Variants in SLC22A14 observed in about 807,000 individuals in gnomAD.
SLC22A14 encodes solute carrier family 22 member 14.
A neutral mutation model predicts 53.9 loss-of-function variants in SLC22A14; 50 were observed. The observed-to-expected ratio is 0.93, with a 90% CI of 0.74 to 1.17. The LOEUF is 1.17. Among genes scored for constraint, SLC22A14 ranks in the 50% most tolerant of loss-of-function variants. The pLI, the probability that SLC22A14 is intolerant of heterozygous loss-of-function variation, is 0.00. For synonymous variants in SLC22A14, 312 were observed against 303.0 expected (o/e 1.03, Z -0.31); for missense variants, 671 against 734.7 (o/e 0.91, Z 1.00).
intron 8 of SLC22A14, among the ~76,000 whole-genome samples, chr3:38,314,831 T>A (rs1327014062): frequency 6.6e-6 from 1 of 152,080 alleles, no homozygotes; most frequent in Non-Finnish European, 1.5e-5. Flanking sequence ...CTACACTGAG[T>A]CAAGCAGCAA....
chr3:38,308,923 C>T (rs200424985), intron 4 of SLC22A14, 31 bp from the exon 5 acceptor site: 15 of 1,607,444 alleles, frequency 9.3e-6, no homozygotes, highest in Non-Finnish European at 1.3e-5. Context: ...CCTGACGTAA[C>T]CATGGTTTTG....
In SLC22A14 at chr3:38,307,608, GA is replaced by G; in HGVS notation, c.664del (p.Ile222SerfsTer10). 6.2e-7 allele frequency: 1 copy of G among 1,614,202 alleles called. No individual in the cohort carries two copies. Among genetic ancestry groups the G allele is most frequent in the Non-Finnish European group, 8.5e-7 (1 of 1,180,032 alleles). On this transcript the variant is annotated frameshift_variant, in exon 4 of 11. Transcript: ENST00000448498. LOFTEE classifies it high-confidence loss of function. This position sits in a 1 kb window ranked among gnomAD's most constrained non-coding sequence, Gnocchi z 4.4. The stretch of plus-strand genomic sequence containing the variant: ...CCATCCTGCTGTCACTGCTGGGGCT[GA>G]TCATCTTCGGCTTTGGGACAGCCTT... ...PAILLSLLGLIIFGFGTAFMN... is the reference protein window; with the variant it reads ...PAILLSLLGLXIFGFGTAFMN...
intron 1 of SLC22A14, among the ~76,000 whole-genome samples, chr3:38,287,704 T>A (rs1703822834): frequency 6.6e-6 from 1 of 152,212 alleles, no homozygotes; most frequent in Non-Finnish European, 1.5e-5. Context: ...CCTTTGTCCT[T>A]CAATATACAT....
intron 1 of SLC22A14, among the ~76,000 whole-genome samples, chr3:38,284,696 A>G (rs1418532159): frequency 6.6e-6 from 1 of 152,148 alleles, no homozygotes; most frequent in Non-Finnish European, 1.5e-5. Context: ...AATACATGGA[A>G]GAATGTCCCC....
At chr3:38,315,436 C>G (rs1704592826) in intron 8 of SLC22A14, 122 bp from the exon 9 acceptor site, 3 of 1,044,186 alleles carry the variant, frequency 2.9e-6, no homozygotes, top group South Asian at 1.5e-5. Context: ...CAACCTGCCA[C>G]TCCTCTGACA....
chr3:38,312,753 CAG>C (rs1704502424), intron 5 of SLC22A14, among the ~76,000 whole-genome samples: 1 of 152,148 alleles, frequency 6.6e-6, no homozygotes, highest in Admixed American at 6.5e-5. Flanking sequence ...AGACTGGAGA[CAG>C]AGGCAGCCGG....
chr3:38,305,656 AAGGTCCCTAGAGACC>A, intron 1 of SLC22A14: 1 of 185,982 alleles, frequency 5.4e-6, no homozygotes, highest in Non-Finnish European at 1.1e-5. Context: ...TTTTGAAGAA[AAGGTCCCTAGAGACC>A]TCTCCTACCT....
intron 1 of SLC22A14, among the ~76,000 whole-genome samples, chr3:38,296,820 A>G (rs938522612): frequency 2.6e-5 from 4 of 152,214 alleles, no homozygotes; most frequent in Non-Finnish European, 5.9e-5. Context: ...GAACAATGGC[A>G]AGCCTTTAGC....
chr3:38,289,057 A>G (rs779481575), intron 1 of SLC22A14, among the ~76,000 whole-genome samples: 14 of 151,842 alleles, frequency 9.2e-5, no homozygotes, highest in South Asian at 2.1e-4. Context: ...GCACACACCT[A>G]TAGACATAGC....
chr3:38,291,692 GT>G (rs1180990439), intron 1 of SLC22A14, among the ~76,000 whole-genome samples: 1 of 152,086 alleles, frequency 6.6e-6, no homozygotes, highest in Non-Finnish European at 1.5e-5. Context: ...AACTATTCCT[GT>G]TTTTTTCTGT....
Position 38,294,939 on chromosome 3 carries a change from C to A in SLC22A14, c.1-11088C>A, listed in dbSNP as rs1249708358. Among the ~76,000 whole-genome samples the A allele has an allele frequency of 2.6e-5, 4 of 152,148 alleles. No homozygotes were observed. The East Asian group carries it at 5.8e-4, about 22-fold the overall frequency. On this transcript the variant is annotated intron_variant, in intron 1 of 10. Transcript: ENST00000448498. ...TTCATTTCAGAGAGGGTGTAGGTAA[C>A]TTTTTGAGTCAGGATTGAGATAAAG... is the stretch of plus-strand genomic sequence containing the variant.
At chr3:38,309,914 G>A (rs1045291424) in intron 5 of SLC22A14, among the ~76,000 whole-genome samples, 5 of 152,144 alleles carry the variant, frequency 3.3e-5, no homozygotes, top group South Asian at 2.1e-4. Context: ...CTATTCCCAT[G>A]TCATGGGAGG....
chr3:38,293,446 G>T (rs1413011100), intron 1 of SLC22A14, among the ~76,000 whole-genome samples: 1 of 152,030 alleles, frequency 6.6e-6, no homozygotes, highest in South Asian at 2.1e-4. Context: ...AGTTCAATAG[G>T]GTTTTTAAGT....
chr3:38,303,096 A>G (rs1012014065), intron 1 of SLC22A14, among the ~76,000 whole-genome samples: 1 of 152,032 alleles, frequency 6.6e-6, no homozygotes, highest in African/African-American at 2.4e-5. Flanking sequence ...TATATAAAAG[A>G]CTTATTTGTA....
chr3:38,313,967 C>T (rs778236388), intron 8 of SLC22A14, 26 bp downstream of exon 8: 1 of 1,593,136 alleles, frequency 6.3e-7, no homozygotes, highest in South Asian at 1.1e-5. Context: ...CCCCTGTGGC[C>T]TGCCCACAGC....
At chr3:38,308,860 C>T (rs1315934614) in intron 4 of SLC22A14, 94 bp from the exon 5 acceptor site, 3 of 1,139,252 alleles carry the variant, frequency 2.6e-6, no homozygotes, top group Middle Eastern at 2.5e-4. Flanking sequence ...CTCAACTGTC[C>T]AGAGCAGGTG....
chr3:38,304,077 C>G (rs1258803126), intron 1 of SLC22A14, among the ~76,000 whole-genome samples: 2 of 151,446 alleles, frequency 1.3e-5, no homozygotes, highest in East Asian at 3.9e-4. Flanking sequence ...TGTAGTCCCA[C>G]CTACTTGGGA....
chr3:38,280,535 T>A (rs961958778), upstream of SLC22A14, among the ~76,000 whole-genome samples: 4 of 152,206 alleles, frequency 2.6e-5, no homozygotes, highest in African/African-American at 9.7e-5. Flanking sequence ...GGCAACAGAA[T>A]GTTTCTTTAG....
Position 38,302,234 on chromosome 3 carries a change from C to CA in SLC22A14, c.1-3782dup, listed in dbSNP as rs10700097. Reference sequence around the variant, plus strand: ...GGGTGACAAGAGTGAGACTCTGTCTCAAAAAAAAAAAGTATATATATATAC... The same window carrying CA: ...GGGTGACAAGAGTGAGACTCTGTCTCAAAAAAAAAAAAGTATATATATATAC... On this transcript the variant is annotated intron_variant, in intron 1 of 10. Transcript: ENST00000448498. 3.1e-3 allele frequency among the ~76,000 whole-genome samples: 318 copies of CA among 103,586 alleles called. 1 individual carries two copies. Among genetic ancestry groups the CA allele is most frequent in the Non-Finnish European group, 4.8e-3 (243 of 50,472 alleles). The allele number at this position is 103,586 out of a possible 152,430, so 68.0% of individuals were successfully genotyped here. A position where few individuals can be genotyped will look rare whatever the true frequency, so the allele number is the denominator to read the frequency against.
Sources: allele counts gnomAD v4.1 joint callset (sites outside exome capture counted in the v4.1 genomes callset), GRCh38; gene constraint gnomAD v4.1.1; non-coding constraint Gnocchi (gnomAD v3.1); transcripts MANE v1.5; gene names NCBI Gene and HGNC (gene_info 2026-07-23, HGNC 2026-07-21).